UNC80: variants seen among roughly 807,000 people sequenced by gnomAD.
UNC80 encodes protein unc-80 homolog.
Under a neutral mutation model 384.6 loss-of-function variants are expected in UNC80, and 164 were observed. That is an observed-to-expected ratio of 0.43 (90% CI 0.38 to 0.49). The LOEUF is 0.49. Among genes scored for constraint, UNC80 ranks in the 20% least tolerant of loss-of-function variants. UNC80 has a pLI of 0.00. For synonymous variants in UNC80, 1,486 were observed against 1,527.8 expected (o/e 0.97, Z 0.64); for missense variants, 3,330 against 4,143.0 (o/e 0.80, Z 5.39).
At chr2:209,908,411 T>C (rs1210765490) in intron 29 of UNC80, among the ~76,000 whole-genome samples, 1 of 152,194 alleles carries the variant, frequency 6.6e-6, no homozygotes, top group Admixed American at 6.5e-5. Flanking sequence ...ACTTCCAAAA[T>C]TGAGGGTTTT....
chr2:209,919,497 A>T (rs1039581473), intron 33 of UNC80, among the ~76,000 whole-genome samples: 1 of 152,218 alleles, frequency 6.6e-6, no homozygotes, highest in East Asian at 1.9e-4. Context: ...AAAGTATCTT[A>T]TTAACTAGTG....
intron 22 of UNC80, among the ~76,000 whole-genome samples, chr2:209,860,990 G>T (rs1324157617): frequency 6.6e-6 from 1 of 152,224 alleles, no homozygotes; most frequent in East Asian, 1.9e-4. Context: ...CATGTCGTCT[G>T]CAAACAATGA....
At chr2:209,941,110 T>C (rs2091600149) in intron 43 of UNC80, 111 bp from the exon 44 acceptor site, 1 of 1,342,342 alleles carries the variant, frequency 7.4e-7, no homozygotes, top group Non-Finnish European at 9.8e-7. Context: ...GATCTTCACA[T>C]CCTGGAGCTG....
intron 29 of UNC80, among the ~76,000 whole-genome samples, chr2:209,911,421 A>G (rs2088925873): frequency 6.6e-6 from 1 of 152,166 alleles, no homozygotes; most frequent in Non-Finnish European, 1.5e-5. Context: ...TTTTTTCTTT[A>G]GAAAGCACAA....
intron 7 of UNC80, among the ~76,000 whole-genome samples, chr2:209,809,971 G>A (rs2079212253): frequency 6.6e-6 from 1 of 152,150 alleles, no homozygotes; most frequent in African/African-American, 2.4e-5. Context: ...CCCCAGTCAG[G>A]GGACCCTCCC....
At chr2:209,782,451 T>C (rs1207005945) in intron 4 of UNC80, among the ~76,000 whole-genome samples, 1 of 152,148 alleles carries the variant, frequency 6.6e-6, no homozygotes, top group Non-Finnish European at 1.5e-5. Flanking sequence ...GATCCATCTT[T>C]CCCTCTTTCT....
intron 26 of UNC80, among the ~76,000 whole-genome samples, chr2:209,888,765 G>A (rs567393326): frequency 3.3e-5 from 5 of 151,866 alleles, no homozygotes; most frequent in Middle Eastern, 3.2e-3. Context: ...ACAGGTGCCC[G>A]CCACCACGCC....
chr2:209,883,964 A>ACATTTTTT (rs1232873481), intron 25 of UNC80, among the ~76,000 whole-genome samples: 2 of 152,162 alleles, frequency 1.3e-5, no homozygotes, highest in Non-Finnish European at 2.9e-5. Flanking sequence ...AGCCAAAATG[A>ACATTTTTT]CATTTTTTCA....
At position 209,917,878 on chromosome 2, in the gene UNC80, G is replaced by T; in HGVS notation, c.5131G>T (p.Val1711Phe). 1.3e-6 allele frequency: 2 copies of T among 1,551,920 alleles called. No homozygotes were observed. The highest frequency in any genetic ancestry group is 1.7e-6 in the Non-Finnish European group (2 of 1,147,038). Residue 1711 changes from valine to phenylalanine, a missense_variant, in exon 32 of 65, where the codon GTC becomes TTC. By Grantham distance (50) the Val-to-Phe change is conservative. Transcript: ENST00000673920. ...HPETVQRLNA[V>F]LKFHTLWRFR... is the part of the protein sequence containing the mutation. ...GGAGACTGTGCAGAGGCTGAACGCT[G>T]TCCTCAAGTTCCACACGCTCTGGAG...
chr2:209,929,734 C>T (rs1285375662), intron 36 of UNC80, 137 bp from the exon 37 acceptor site: 11 of 571,974 alleles, frequency 1.9e-5, no homozygotes, highest in East Asian at 6.6e-5. Context: ...CAAACACCTA[C>T]GTTGCAAAAG....
At chr2:209,972,097 G>A in intron 54 of UNC80, 104 bp from the exon 55 acceptor site, 1 of 1,388,500 alleles carries the variant, frequency 7.2e-7, no homozygotes, top group Non-Finnish European at 9.6e-7. Flanking sequence ...TAGTTTACAG[G>A]AGCAGCCAGC....
At chr2:209,936,694 C>T (rs112901511) in intron 40 of UNC80, 150 bp from the exon 41 acceptor site, 31 of 611,686 alleles carry the variant, frequency 5.1e-5, no homozygotes, top group South Asian at 2.2e-4. Flanking sequence ...ACATATCTAA[C>T]GTATACAGTT....
At chr2:209,840,483 T>C in intron 19 of UNC80, 59 bp from the exon 20 acceptor site, 1 of 1,408,444 alleles carries the variant, frequency 7.1e-7, no homozygotes, top group East Asian at 2.5e-5. Flanking sequence ...TTGACATTTC[T>C]GTTTAATTGA....
At chr2:209,877,309 G>A (rs11682914) in intron 23 of UNC80, among the ~76,000 whole-genome samples, 26,599 of 152,082 alleles carry the variant, frequency 0.17, 3,237 homozygotes, top group African/African-American at 0.34. Context: ...TAAGAATACC[G>A]TGTAAAAACC....
chr2:209,995,612 C>G lies in UNC80; in HGVS notation c.*17C>G. ...CATGTTTAATTCTGTATCTTGTAAG[C>G]TCTGCAGGTATAGAGAAGACATGAA... is the stretch of plus-strand genomic sequence containing the variant. On this transcript the variant is annotated 3_prime_UTR_variant, in exon 65 of 65. Coordinates refer to ENST00000673920, the MANE Select transcript of UNC80 (RefSeq NM_001371986.1). 6.4e-7 allele frequency: 1 copy of G among 1,550,758 alleles called. No individual in the cohort carries two copies. The highest frequency in any genetic ancestry group is 8.7e-7 in the Non-Finnish European group (1 of 1,146,332).
chr2:209,944,949 G>T (rs2091841862), intron 45 of UNC80, 102 bp from the exon 46 acceptor site: 1 of 1,313,942 alleles, frequency 7.6e-7, no homozygotes, highest in African/African-American at 1.5e-5. Context: ...GGTAGATGTT[G>T]TACTTGTTAC....
intron 18 of UNC80, among the ~76,000 whole-genome samples, chr2:209,835,722 A>G (rs149146952): frequency 6.6e-6 from 1 of 152,300 alleles, no homozygotes; most frequent in African/African-American, 2.4e-5. Flanking sequence ...TGCTTCCCCA[A>G]ACCTTACTCA....
At chr2:209,834,261 G>A in intron 17 of UNC80, 93 bp downstream of exon 17, 1 of 1,322,798 alleles carries the variant, frequency 7.6e-7, no homozygotes, top group Non-Finnish European at 1.0e-6. Flanking sequence ...GTGCTGAAAT[G>A]TCAGCATAGG....
At chr2:209,826,384 C>G (rs1240074686) in intron 14 of UNC80, among the ~76,000 whole-genome samples, 1 of 152,126 alleles carries the variant, frequency 6.6e-6, no homozygotes, top group Non-Finnish European at 1.5e-5. Context: ...TTTTGATGGC[C>G]TGTAACAAAT....
Sources: gnomAD v4.1 joint callset for allele counts (sites outside exome capture counted in the v4.1 genomes callset) on GRCh38, gnomAD v4.1.1 for gene constraint, MANE v1.5 for transcripts, NCBI Gene and HGNC (gene_info 2026-07-23, HGNC 2026-07-21) for gene names.